DPY19L1: variants seen among roughly 807,000 people sequenced by gnomAD.
DPY19L1 encodes protein C-mannosyl-transferase DPY19L1.
DPY19L1 carries 35 observed loss-of-function variants against 96.9 expected under a neutral mutation model. That is an observed-to-expected ratio of 0.36 (90% CI 0.28 to 0.48). DPY19L1 has a LOEUF of 0.48. DPY19L1 is among the 20% of genes least tolerant of loss of function. The pLI is 0.99. For synonymous variants in DPY19L1, 205 were observed against 252.6 expected (o/e 0.81, Z 1.79); for missense variants, 521 against 777.9 (o/e 0.67, Z 3.93).
chr7:35,021,242 T>G (rs936741673), intron 1 of DPY19L1, among the ~76,000 whole-genome samples: 1 of 152,202 alleles, frequency 6.6e-6, no homozygotes, highest in Non-Finnish European at 1.5e-5. Context: ...TTTCCTATTA[T>G]GCCATTAAGT....
chr7:34,949,285 C>T (rs1022610812), intron 14 of DPY19L1, among the ~76,000 whole-genome samples: 10 of 152,096 alleles, frequency 6.6e-5, no homozygotes, highest in Non-Finnish European at 1.5e-4. Context: ...AACTATAACA[C>T]GACGAATGAG....
At chr7:34,991,002 G>GT (rs1251221272) in intron 6 of DPY19L1, among the ~76,000 whole-genome samples, 1 of 152,224 alleles carries the variant, frequency 6.6e-6, no homozygotes, top group Non-Finnish European at 1.5e-5. Context: ...CATGTAGGGA[G>GT]TATCCAGAAG....
At chr7:34,942,585 A>T in intron 17 of DPY19L1, 30 bp downstream of exon 17, 1 of 1,551,236 alleles carries the variant, frequency 6.4e-7, no homozygotes, top group Non-Finnish European at 8.8e-7. Flanking sequence ...CTTTAAGATA[A>T]GTAAAATTAT....
chr7:34,995,114 C>G (rs1785254465), intron 6 of DPY19L1, among the ~76,000 whole-genome samples: 1 of 152,130 alleles, frequency 6.6e-6, no homozygotes, highest in Non-Finnish European at 1.5e-5. Flanking sequence ...AAGGAATGTT[C>G]TGAGTTAGAA....
chr7:34,952,343 C>A (rs1784285712), intron 13 of DPY19L1, among the ~76,000 whole-genome samples: 1 of 151,936 alleles, frequency 6.6e-6, no homozygotes, highest in Admixed American at 6.6e-5. Flanking sequence ...ATAAAACTAC[C>A]AAAGTTCACT....
At position 35,011,406 on chromosome 7, in the gene DPY19L1, G is replaced by A; in HGVS notation, c.594C>T (p.Asp198=). 1 of 1,612,888 alleles carries A rather than the reference G, an allele frequency of 6.2e-7. No individual in the cohort carries two copies. Among genetic ancestry groups the A allele is most frequent in the Non-Finnish European group, 8.5e-7 (1 of 1,179,442 alleles). ...ATATCTTGGTTTGAATACCAATCAA[G>A]TCCATTATTTTGGTATAAATCCGGT... ...SWYRIYTKIM[D]LIGIQTKICW... is the part of the protein sequence containing the mutation. Residue 198 remains aspartate (D), a synonymous_variant, in exon 5 of 22, where the codon GAC becomes GAT. Coordinates refer to ENST00000638088, the MANE Select transcript of DPY19L1 (RefSeq NM_001366673.1).
At chr7:34,982,876 C>G (rs188255380) in intron 7 of DPY19L1, among the ~76,000 whole-genome samples, 1 of 152,108 alleles carries the variant, frequency 6.6e-6, no homozygotes. Context: ...CATTTGGTTT[C>G]GGGGCCTTGG....
chr7:34,929,452 C>T lies in DPY19L1; in HGVS notation c.*2121G>A, dbSNP rs1413415590. 6.6e-6 allele frequency: 1 copy of T among 152,118 alleles called. No homozygotes were observed. Among genetic ancestry groups the T allele is most frequent in the Non-Finnish European group, 1.5e-5 (1 of 68,034 alleles). 9.4% of individuals were successfully genotyped at this position (152,118 alleles called of 1,614,324 possible). On this transcript the variant is annotated 3_prime_UTR_variant, in exon 22 of 22. Transcript: ENST00000638088. The stretch of plus-strand genomic sequence containing the variant: ...CTAATTTATATTACTTTTAATGGTT[C>T]CCAGCAAATGAAGCAGTTATAATAG...
At position 34,928,965 on chromosome 7, in the gene DPY19L1, T is replaced by C. The variant is rs1341676082; in HGVS notation, c.*2608A>G. 4 of 152,192 alleles carry C rather than the reference T, an allele frequency of 2.6e-5. No individual in the cohort carries two copies. The highest frequency in any genetic ancestry group is 6.5e-5 in the Admixed American group (1 of 15,284). The allele number at this position is 152,192 out of a possible 1,614,324, so 9.4% of individuals were successfully genotyped here. A position where few individuals can be genotyped will look rare whatever the true frequency, so the allele number is the denominator to read the frequency against. On this transcript the variant is annotated 3_prime_UTR_variant, in exon 22 of 22. Transcript: ENST00000638088. ...AATTCATAAAAATACAATACTCCTATGCAATATCACTTTATTCCTGATACA... is the reference window on the plus strand; with the variant it reads ...AATTCATAAAAATACAATACTCCTACGCAATATCACTTTATTCCTGATACA...
intron 6 of DPY19L1, among the ~76,000 whole-genome samples, chr7:35,008,771 T>C (rs1277406497): frequency 6.6e-6 from 1 of 152,198 alleles, no homozygotes; most frequent in Non-Finnish European, 1.5e-5. Context: ...GTTTCATATT[T>C]TAACTTCTCT....
intron 8 of DPY19L1, among the ~76,000 whole-genome samples, chr7:34,972,474 G>A (rs552178829): frequency 6.6e-6 from 1 of 152,254 alleles, no homozygotes; most frequent in East Asian, 1.9e-4. Flanking sequence ...CAGGAGCAGA[G>A]GTAGAAAAGC....
intron 6 of DPY19L1, among the ~76,000 whole-genome samples, chr7:35,004,711 T>C (rs1252192964): frequency 6.6e-6 from 1 of 152,224 alleles, no homozygotes; most frequent in Non-Finnish European, 1.5e-5. Flanking sequence ...ATGATAGCAA[T>C]GCATAAAATA....
chr7:34,956,829 A>G (rs1784389537), intron 11 of DPY19L1, among the ~76,000 whole-genome samples: 1 of 152,182 alleles, frequency 6.6e-6, no homozygotes. Flanking sequence ...AATAAATATC[A>G]TTTGTAAAAT....
intron 6 of DPY19L1, 85 bp from the exon 7 acceptor site, chr7:34,990,026 C>T: frequency 1.9e-6 from 2 of 1,034,890 alleles, no homozygotes; most frequent in Non-Finnish European, 2.8e-6. Flanking sequence ...ATCATAACCA[C>T]TGGTATTATA....
At chr7:34,944,732 C>T (rs1784106013) in intron 16 of DPY19L1, among the ~76,000 whole-genome samples, 1 of 152,114 alleles carries the variant, frequency 6.6e-6, no homozygotes, top group African/African-American at 2.4e-5. Context: ...ACACACAATA[C>T]TACAAAAGGC....
At chr7:35,037,863 GC>G, upstream of DPY19L1, 1 of 1,236,188 alleles carries the variant, frequency 8.1e-7, no homozygotes. Context: ...GGACGCGGGG[GC>G]GGACGGCCTT....
Position 35,037,456 on chromosome 7 carries a change from G to A in DPY19L1, c.-62C>T. ...GACGGCGGCCAGAGAACGGCGGGCT[G>A]GCTGGGCGGCTGGGCGCAGCTCACT... On this transcript the variant is annotated 5_prime_UTR_variant, in exon 1 of 22. Coordinates refer to ENST00000638088, the MANE Select transcript of DPY19L1 (RefSeq NM_001366673.1). 1 of 310,622 alleles carries A rather than the reference G, an allele frequency of 3.2e-6. No homozygotes were observed. The highest frequency in any genetic ancestry group is 5.9e-6 in the Non-Finnish European group (1 of 169,100). The allele number at this position is 310,622 out of a possible 1,614,324, so 19.2% of individuals were successfully genotyped here. A position where few individuals can be genotyped will look rare whatever the true frequency, so the allele number is the denominator to read the frequency against.
At chr7:35,001,513 T>C (rs1405421262) in intron 6 of DPY19L1, among the ~76,000 whole-genome samples, 3 of 152,194 alleles carry the variant, frequency 2.0e-5, no homozygotes, top group Non-Finnish European at 4.4e-5. Flanking sequence ...CAATCACTTC[T>C]TTAAAAATCA....
At chr7:35,003,066 G>A (rs534860373) in intron 6 of DPY19L1, among the ~76,000 whole-genome samples, 14 of 152,222 alleles carry the variant, frequency 9.2e-5, no homozygotes, top group South Asian at 6.2e-4. Context: ...CACCGTGCCC[G>A]GCCAGCAACC....
Sources: gnomAD v4.1 joint callset for allele counts (sites outside exome capture counted in the v4.1 genomes callset) on GRCh38, gnomAD v4.1.1 for gene constraint, MANE v1.5 for transcripts, NCBI Gene and HGNC (gene_info 2026-07-23, HGNC 2026-07-21) for gene names.